Variants in C11orf65 observed in about 807,000 individuals in gnomAD.
C11orf65 encodes the protein protein MFI.
C11orf65 carries 38 observed loss-of-function variants against 35.3 expected under a neutral mutation model. The ratio of observed to expected loss-of-function variants is 1.08; its 90% CI spans 0.83 to 1.41. The LOEUF (loss-of-function observed/expected upper bound fraction) is 1.41, where lower values mean the gene tolerates loss of function less well. Ranked by LOEUF, C11orf65 falls within the 40% of genes most tolerant of loss-of-function variation. C11orf65 has a pLI of 0.00. For missense variants in C11orf65, 370 were observed against 367.1 expected (o/e 1.01, Z -0.06); for synonymous variants, 105 against 114.4 (o/e 0.92, Z 0.53).
chr11:108,376,195 A>G (rs2091719879), intron 2 of C11orf65, among the ~76,000 whole-genome samples: 2 of 152,050 alleles, frequency 1.3e-5, no homozygotes, highest in African/African-American at 4.8e-5. Flanking sequence ...TCTTTTCAGC[A>G]CCACACCTAT....
intron 2 of C11orf65, among the ~76,000 whole-genome samples, chr11:108,442,850 A>G (rs1306475097): frequency 2.6e-5 from 4 of 152,228 alleles, no homozygotes; most frequent in Admixed American, 1.3e-4. Context: ...AGGAACAACC[A>G]GTACCAGCCA....
At chr11:108,329,533 C>A (rs1487758120), downstream of C11orf65, among the ~76,000 whole-genome samples, 1 of 152,048 alleles carries the variant, frequency 6.6e-6, no homozygotes, top group Non-Finnish European at 1.5e-5. Context: ...TCCCCCTGAG[C>A]CCCCGAAATA....
intron 2 of C11orf65, among the ~76,000 whole-genome samples, chr11:108,344,642 G>A (rs2088064066): frequency 6.6e-6 from 1 of 152,078 alleles, no homozygotes; most frequent in African/African-American, 2.4e-5. Context: ...CAGTAGGAAG[G>A]GAGAATCGTG....
At position 108,383,146 on chromosome 11, in the gene C11orf65, T is replaced by C. The variant is rs2091902293; in HGVS notation, c.817A>G (p.Ile273Val). 3 of 1,602,946 alleles carry C rather than the reference T, an allele frequency of 1.9e-6. No homozygotes were observed. Among genetic ancestry groups the C allele is most frequent in the East Asian group, 2.2e-5 (1 of 44,754 alleles). Residue 273 changes from isoleucine (I) to valine (V), a missense_variant, in exon 9 of 9, where the codon ATA (isoleucine) becomes GTA (valine). Coordinates refer to ENST00000393084, the MANE Select transcript of C11orf65 (RefSeq NM_152587.5). ...GATATGTCTCCTCCATAGTTATATA[T>C]GTTTTTCTGTGCTTGATTAAACCTG... ...GFRFNQAQKN[I>V]YNYGGDISKM...
In C11orf65 at chr11:108,433,472, C is replaced by T. The variant is rs572782382; in HGVS notation, c.82-1634G>A. ...GCAGGCGCCTGCAGTCCCAGCTACT[C>T]GGGAGGCTGAGGCAGGAGGATGGTG... On this transcript the variant is annotated intron_variant, in intron 2 of 8. Coordinates refer to ENST00000393084, the MANE Select transcript of C11orf65 (RefSeq NM_152587.5). 3.9e-5 allele frequency among the ~76,000 whole-genome samples: 6 copies of T among 151,980 alleles called. No homozygotes were observed. The South Asian group carries it at 8.3e-4, about 21-fold the overall frequency.
At chr11:108,344,527 G>C (rs2088038542) in intron 2 of C11orf65, among the ~76,000 whole-genome samples, 1 of 152,178 alleles carries the variant, frequency 6.6e-6, no homozygotes. Context: ...CTAAAGGATA[G>C]TAATATCAGA....
upstream of C11orf65, among the ~76,000 whole-genome samples, chr11:108,469,269 C>T (rs551621971): frequency 3.8e-4 from 58 of 150,852 alleles, no homozygotes; most frequent in Admixed American, 2.0e-3. Context: ...GTACTTAAGT[C>T]CACTGAATTG....
intron 2 of C11orf65, among the ~76,000 whole-genome samples, chr11:108,442,929 G>A (rs2093181926): frequency 6.6e-6 from 1 of 152,106 alleles, no homozygotes; most frequent in East Asian, 1.9e-4. Flanking sequence ...AAAATAACCA[G>A]CTAACATCAT....
chr11:108,453,598 T>G (rs1220047083), intron 2 of C11orf65, among the ~76,000 whole-genome samples: 1 of 152,228 alleles, frequency 6.6e-6, no homozygotes, highest in Admixed American at 6.5e-5. Flanking sequence ...CTAGGGTAGC[T>G]ATAACAATAT....
chr11:108,406,752 T>A lies in C11orf65; in HGVS notation c.429+11A>T. 3 of 1,537,084 alleles carry A rather than the reference T, an allele frequency of 2.0e-6. No individual in the cohort carries two copies. The highest frequency in any genetic ancestry group is 2.7e-6 in the Non-Finnish European group (3 of 1,130,498). On this transcript the variant is annotated intron_variant, in intron 5 of 8. Transcript: ENST00000393084. ...ACGTAAGGTTAAAAATTAACATTTCTCTTTTCTTACTGTATCAGAAACTGG... is the reference window on the plus strand; with the variant it reads ...ACGTAAGGTTAAAAATTAACATTTCACTTTTCTTACTGTATCAGAAACTGG...
At chr11:108,371,291 C>T (rs754650583) in intron 2 of C11orf65, among the ~76,000 whole-genome samples, 5 of 152,196 alleles carry the variant, frequency 3.3e-5, no homozygotes, top group Admixed American at 2.0e-4. Context: ...GGTTCAGTAG[C>T]GATAAAATAC....
In C11orf65 at chr11:108,353,760, C is replaced by A. The variant is rs1555142794; in HGVS notation, c.227-18468G>T. 1 of 1,591,284 alleles carries A rather than the reference C, an allele frequency of 6.3e-7. No individual in the cohort carries two copies. Among genetic ancestry groups the A allele is most frequent in the South Asian group, 1.1e-5 (1 of 90,578 alleles). ...CCTCCTAACTTCACTGTATTCTTTACTTTAGGTGTTGCTTTTGAACAGGGC... is the reference window on the plus strand; with the variant it reads ...CCTCCTAACTTCACTGTATTCTTTAATTTAGGTGTTGCTTTTGAACAGGGC... On this transcript the variant is annotated intron_variant, in intron 2 of 3. Transcript: ENST00000524755.
chr11:108,420,748 C>T (rs1337784063), intron 3 of C11orf65, among the ~76,000 whole-genome samples: 6 of 152,052 alleles, frequency 3.9e-5, no homozygotes, highest in South Asian at 2.1e-4. Context: ...AATACAATCT[C>T]GATCAACATT....
intron 6 of C11orf65, among the ~76,000 whole-genome samples, chr11:108,315,158 A>G (rs1032663627): frequency 3.9e-5 from 6 of 152,236 alleles, no homozygotes; most frequent in Admixed American, 6.5e-5. Flanking sequence ...TGAACTGCTC[A>G]TGTGGAAATT....
At chr11:108,365,283 A>G (rs758662688) in intron 2 of C11orf65, 40 of 1,614,044 alleles carry the variant, frequency 2.5e-5, no homozygotes, top group Non-Finnish European at 3.1e-5. Context: ...CAAGGCCTTT[A>G]AACTGTTCAC....
Position 108,457,181 on chromosome 11 carries a change from T to G in C11orf65, c.81+4298A>C, listed in dbSNP as rs568789453. Among the ~76,000 whole-genome samples, 6 of 152,128 alleles carry G rather than the reference T, an allele frequency of 3.9e-5. No individual in the cohort carries two copies. In the South Asian group the frequency reaches 1.2e-3, roughly 32 times the overall value. On this transcript the variant is annotated intron_variant, in intron 2 of 8. Transcript: ENST00000393084. ...AAAATAGAGGAATTAAAAAAAAACA[T>G]GATGATACTGGGAGGGGAGATAAGC...
At chr11:108,456,438 C>A (rs913722499) in intron 2 of C11orf65, among the ~76,000 whole-genome samples, 2 of 152,096 alleles carry the variant, frequency 1.3e-5, no homozygotes, top group African/African-American at 4.8e-5. Context: ...TATCTTCTGA[C>A]TAGGTTAGAC....
intron 3 of C11orf65, among the ~76,000 whole-genome samples, chr11:108,427,078 T>C (rs1285499829): frequency 2.6e-5 from 4 of 152,008 alleles, no homozygotes; most frequent in Admixed American, 6.6e-5. Context: ...CCTAAAACCA[T>C]AAAAATCCTA....
At chr11:108,316,635 C>T (rs999552121) in intron 6 of C11orf65, among the ~76,000 whole-genome samples, 5 of 151,256 alleles carry the variant, frequency 3.3e-5, no homozygotes, top group Non-Finnish European at 4.4e-5. Flanking sequence ...TTTGGCCAGG[C>T]GTGGTGGCTT....
Sources: allele counts gnomAD v4.1 joint callset (sites outside exome capture counted in the v4.1 genomes callset), GRCh38; gene constraint gnomAD v4.1.1; transcripts MANE v1.5; gene names NCBI Gene and HGNC (gene_info 2026-07-23, HGNC 2026-07-21).